Variants in OTOGL observed in about 807,000 individuals in gnomAD.
OTOGL encodes otogelin like.
OTOGL carries 285 observed loss-of-function variants against 318.5 expected under a neutral mutation model. That is an observed-to-expected ratio of 0.89 (90% CI 0.81 to 0.99). The LOEUF is 0.99. Ranked by LOEUF, OTOGL falls within the 50% of genes least tolerant of loss-of-function variation. The pLI is 0.00. For missense variants in OTOGL, 2,899 were observed against 2,845.6 expected (o/e 1.02, Z -0.43); for synonymous variants, 987 against 936.5 (o/e 1.05, Z -0.99).
intron 44 of OTOGL, chr12:80,343,525 T>G (rs1173761547): frequency 7.5e-6 from 1 of 133,880 alleles, no homozygotes; most frequent in Non-Finnish European, 1.6e-5. Flanking sequence ...TTTTTTTTTT[T>G]TTTTTTTTTT....
chr12:80,248,771 G>T (rs1464400628), intron 11 of OTOGL, among the ~76,000 whole-genome samples: 5,419 of 148,960 alleles, frequency 0.036, 340 homozygotes, highest in African/African-American at 0.13. Context: ...TTCCAACTTG[G>T]TTCCATTCTC....
At chr12:80,214,946 A>C (rs1227196831) in intron 4 of OTOGL, among the ~76,000 whole-genome samples, 1 of 152,194 alleles carries the variant, frequency 6.6e-6, no homozygotes, top group Non-Finnish European at 1.5e-5. Context: ...AGCCTTGGTG[A>C]AATGTATTAT....
intron 43 of OTOGL, 34 bp downstream of exon 43, chr12:80,339,298 G>GTT (rs10715159): frequency 0.15 from 77,844 of 516,398 alleles, 8,298 homozygotes; most frequent in East Asian, 0.22. Flanking sequence ...GATTTCGTCT[G>GTT]TTTTTTTTTT....
chr12:80,342,128 T>C lies in OTOGL; in HGVS notation c.5231T>C (p.Leu1744Ser), dbSNP rs1176406273. 1.3e-6 allele frequency: 2 copies of C among 1,592,552 alleles called. No individual in the cohort carries two copies. The highest frequency in any genetic ancestry group is 1.7e-6 in the Non-Finnish European group (2 of 1,168,184). ...EHDCSQCIDL[L>S]NRRIFIPCHD... ...GATTGCAGCCAGTGCATTGATTTAT[T>C]AAATAGAAGAATTTTCATTCCATGT... The change falls in exon 44 of 59, where the codon TTA becomes TCA. Residue 1744 changes from leucine to serine, a missense_variant. Physicochemically the swap from Leu to Ser is moderately radical, Grantham distance 145. Transcript: ENST00000547103.
intron 26 of OTOGL, 84 bp from the exon 27 acceptor site, chr12:80,296,743 A>G: frequency 9.4e-7 from 1 of 1,063,356 alleles, no homozygotes; most frequent in Non-Finnish European, 1.2e-6. Context: ...TCCATTGTCA[A>G]TATTTAAGAT....
chr12:80,170,649 G>A (rs1169645184), intron 1 of OTOGL, among the ~76,000 whole-genome samples: 2 of 151,992 alleles, frequency 1.3e-5, no homozygotes, highest in African/African-American at 4.8e-5. Context: ...GCCCAGGCTG[G>A]TCTTGAACTC....
intron 18 of OTOGL, 64 bp from the exon 19 acceptor site, chr12:80,261,905 A>T: frequency 6.5e-7 from 1 of 1,528,304 alleles, no homozygotes; most frequent in Non-Finnish European, 8.9e-7. Context: ...TTATTTAAAT[A>T]TCTGAAGGTT....
At chr12:80,260,837 T>TTATC (rs1336041615) in intron 18 of OTOGL, among the ~76,000 whole-genome samples, 1 of 152,124 alleles carries the variant, frequency 6.6e-6, no homozygotes, top group Non-Finnish European at 1.5e-5. Flanking sequence ...ACCTATTTTA[T>TTATC]TATCCTTCAG....
intron 1 of OTOGL, among the ~76,000 whole-genome samples, chr12:80,104,082 T>C (rs897071224): frequency 6.6e-6 from 1 of 152,178 alleles, no homozygotes; most frequent in Non-Finnish European, 1.5e-5. Context: ...CTGAAGATGA[T>C]TAATGAAGCA....
intron 23 of OTOGL, 69 bp downstream of exon 23, chr12:80,270,223 G>A: frequency 7.7e-7 from 1 of 1,302,380 alleles, no homozygotes; most frequent in Non-Finnish European, 1.1e-6. Context: ...CCTGGCAGAA[G>A]TCATCAATCA....
chr12:80,265,226 C>T lies in OTOGL; in HGVS notation c.2224+16C>T, dbSNP rs779615866. 11 of 1,599,394 alleles carry T rather than the reference C, an allele frequency of 6.9e-6. No homozygotes were observed. Among genetic ancestry groups the T allele is most frequent in the Admixed American group, 1.7e-5 (1 of 59,350 alleles). ...TCTTTCTGTGGTGAGTACAATGGCA[C>T]AGATAAAGACTATCAGATAATACCT... On this transcript the variant is annotated intron_variant, in intron 20 of 58. Transcript: ENST00000547103.
chr12:80,251,722 C>G lies in OTOGL; in HGVS notation c.1082C>G (p.Ala361Gly). 1 of 1,593,872 alleles carries G rather than the reference C, an allele frequency of 6.3e-7. No homozygotes were observed. The highest frequency in any genetic ancestry group is 8.6e-7 in the Non-Finnish European group (1 of 1,169,310). ...GATGATGATGAAACCTATTGCCGAG[C>G]AGCCACTGAGTATGCTAGAGCCTGC... The part of the protein sequence containing the change: ...KTDDDETYCR[A>G]ATEYARACSH... The change falls in exon 12 of 59, where the codon GCA becomes GGA. Residue 361 changes from alanine to glycine, a missense_variant. This residue lies in a region of OTOGL where 2,607 missense variants were observed against 2,524.9 expected (regional missense o/e 1.03). Coordinates refer to ENST00000547103, the MANE Select transcript of OTOGL (RefSeq NM_001378609.3).
At chr12:80,165,254 G>A (rs2137202592) in intron 1 of OTOGL, among the ~76,000 whole-genome samples, 1 of 152,238 alleles carries the variant, frequency 6.6e-6, no homozygotes, top group South Asian at 2.1e-4. Context: ...GAAATGACAT[G>A]TGCTTTGCTT....
intron 37 of OTOGL, among the ~76,000 whole-genome samples, chr12:80,329,955 G>A (rs1887968616): frequency 6.6e-6 from 1 of 152,160 alleles, no homozygotes; most frequent in South Asian, 2.1e-4. Flanking sequence ...ATTTATTTTG[G>A]AGGTGTGGTG....
rs781142207 is a variant in OTOGL, at chr12:80,256,402, G to A, written c.1653G>A (p.Val551=). ...LILEDDFNKQ[V]TLGRGGQILT... ...TGGAGGATGATTTTAACAAACAAGT[G>A]ACCCTTGGTAGGGGAGGACAAATTC... The change falls in exon 17 of 59, where the codon GTG becomes GTA. Residue 551 remains valine (V), a synonymous_variant. Transcript: ENST00000547103. The A allele has an allele frequency of 6.3e-7, 1 of 1,593,842 alleles. No individual in the cohort carries two copies. Among genetic ancestry groups the A allele is most frequent in the Non-Finnish European group, 8.5e-7 (1 of 1,176,754 alleles).
At chr12:80,144,443 TCC>T (rs1174514002) in intron 1 of OTOGL, among the ~76,000 whole-genome samples, 2 of 149,598 alleles carry the variant, frequency 1.3e-5, no homozygotes, top group African/African-American at 5.0e-5. Context: ...ATTTTCTTAA[TCC>T]GGTCTATCAT....
Position 80,267,280 on chromosome 12 carries a change from C to CA in OTOGL, c.2419dup (p.Ser807LysfsTer26). 6.4e-7 allele frequency: 1 copy of CA among 1,563,706 alleles called. No individual in the cohort carries two copies. Among genetic ancestry groups the CA allele is most frequent in the Non-Finnish European group, 8.7e-7 (1 of 1,143,234 alleles). The stretch of plus-strand genomic sequence containing the variant: ...TCCACTGCCGTTGTCATTATAGGGG[C>CA]AGTGTTTATCAACCTGGAGAGCTCA... On this transcript the variant is annotated frameshift_variant, in exon 22 of 59. Transcript: ENST00000547103. LOFTEE classifies it high-confidence loss of function.
intron 26 of OTOGL, among the ~76,000 whole-genome samples, chr12:80,281,888 A>G (rs1270372408): frequency 6.6e-6 from 1 of 151,858 alleles, no homozygotes; most frequent in Admixed American, 6.6e-5. Flanking sequence ...AGCCATTTTT[A>G]TTGTTATTAA....
At chr12:80,356,581 A>G in intron 48 of OTOGL, 61 bp downstream of exon 48, 1 of 1,288,816 alleles carries the variant, frequency 7.8e-7, no homozygotes, top group Non-Finnish European at 1.1e-6. Context: ...ACAGTGAATT[A>G]GATTCTCATT....
Sources: allele counts gnomAD v4.1 joint callset (sites outside exome capture counted in the v4.1 genomes callset), GRCh38; gene constraint gnomAD v4.1.1; regional missense constraint gnomAD v4.1.1; transcripts MANE v1.5; gene names NCBI Gene and HGNC (gene_info 2026-07-23, HGNC 2026-07-21).